The following MARK3 variants were observed in gnomAD, a reference collection of about 807,000 sequenced individuals.
MARK3 encodes microtubule affinity regulating kinase 3.
Under a neutral mutation model 90.1 loss-of-function variants are expected in MARK3, and 46 were observed. That is an observed-to-expected ratio of 0.51 (90% CI 0.40 to 0.65). The LOEUF is 0.65. Ranked by LOEUF, MARK3 falls within the 30% of genes least tolerant of loss-of-function variation. MARK3 has a pLI of 0.00. For synonymous variants in MARK3, 321 were observed against 332.6 expected (o/e 0.97, Z 0.38); for missense variants, 818 against 947.2 (o/e 0.86, Z 1.79).
chr14:103,473,041 C>T (rs181840364), intron 12 of MARK3, among the ~76,000 whole-genome samples: 1 of 151,498 alleles, frequency 6.6e-6, no homozygotes, highest in African/African-American at 2.4e-5. Flanking sequence ...ATGATGTGCA[C>T]AACTCAGATG....
At chr14:103,487,978 G>A (rs934684082) in intron 14 of MARK3, among the ~76,000 whole-genome samples, 21 of 151,968 alleles carry the variant, frequency 1.4e-4, no homozygotes, top group African/African-American at 5.1e-4. Flanking sequence ...AACCCAGGAG[G>A]CAGAGCTTGC....
At chr14:103,421,384 C>T (rs890700579) in intron 2 of MARK3, among the ~76,000 whole-genome samples, 3 of 152,146 alleles carry the variant, frequency 2.0e-5, no homozygotes, top group African/African-American at 4.8e-5. Flanking sequence ...GACTGTAGCT[C>T]CTTTTTTGAA....
intron 2 of MARK3, among the ~76,000 whole-genome samples, chr14:103,414,084 A>G (rs1311886636): frequency 1.3e-5 from 2 of 152,196 alleles, no homozygotes; most frequent in African/African-American, 4.8e-5. Flanking sequence ...AATTAAGTGA[A>G]TTGTTAACTA....
Position 103,451,853 on chromosome 14 carries a change from A to G in MARK3, c.347-65A>G, listed in dbSNP as rs116964053. 1,410 of 1,109,960 alleles carry G rather than the reference A, an allele frequency of 1.3e-3. 22 individuals carry two copies. In the East Asian group the frequency reaches 0.024, roughly 19 times the overall value. The allele number at this position is 1,109,960 out of a possible 1,614,324, so 68.8% of individuals were successfully genotyped here. A position where few individuals can be genotyped will look rare whatever the true frequency, so the allele number is the denominator to read the frequency against. The stretch of plus-strand genomic sequence containing the variant: ...GTTGCTTTTCATAGTTAGAGTTTAT[A>G]TGTGCATGGTTTGTGCATACAGACA... On this transcript the variant is annotated intron_variant, in intron 4 of 17. Transcript: ENST00000429436.
intron 9 of MARK3, 38 bp from the exon 10 acceptor site, chr14:103,466,305 T>C: frequency 6.9e-7 from 1 of 1,456,128 alleles, no homozygotes; most frequent in Non-Finnish European, 9.5e-7. Context: ...TCAGAATATT[T>C]CATTTTACTC....
At chr14:103,432,751 G>A (rs2092618512) in intron 3 of MARK3, among the ~76,000 whole-genome samples, 1 of 152,200 alleles carries the variant, frequency 6.6e-6, no homozygotes, top group Non-Finnish European at 1.5e-5. Flanking sequence ...AGCTACTTAG[G>A]AGGCTAAGAT....
intron 7 of MARK3, among the ~76,000 whole-genome samples, chr14:103,464,240 GT>G: frequency 6.6e-6 from 1 of 150,682 alleles, no homozygotes. Context: ...AGCATCTGCT[GT>G]GGAGTAGCCA....
chr14:103,497,444 A>AT (rs2075410866), intron 15 of MARK3, among the ~76,000 whole-genome samples: 1 of 152,250 alleles, frequency 6.6e-6, no homozygotes, highest in Admixed American at 6.5e-5. Context: ...GATCGCATTG[A>AT]TCATAAAAAC....
At chr14:103,491,631 T>G (rs1319351405) in intron 14 of MARK3, 146 bp from the exon 15 acceptor site, 1 of 756,512 alleles carries the variant, frequency 1.3e-6, no homozygotes, top group Non-Finnish European at 2.1e-6. Context: ...CCCACTTAAC[T>G]TACCTTTTGC....
intron 5 of MARK3, among the ~76,000 whole-genome samples, chr14:103,453,717 A>G (rs1233506031): frequency 6.6e-6 from 1 of 152,220 alleles, no homozygotes; most frequent in African/African-American, 2.4e-5. Flanking sequence ...TGGGCAAACA[A>G]CACAGAGTAA....
At chr14:103,490,876 T>C (rs1464819188) in intron 14 of MARK3, 1 of 962,640 alleles carries the variant, frequency 1.0e-6, no homozygotes, top group East Asian at 7.4e-5. Flanking sequence ...GTGTGTGCAT[T>C]ACACACAGGT....
At chr14:103,448,857 G>T (rs2093058474) in intron 3 of MARK3, 62 bp from the exon 4 acceptor site, 12 of 1,437,364 alleles carry the variant, frequency 8.3e-6, no homozygotes, top group Admixed American at 7.2e-5. Flanking sequence ...TACAACAGTG[G>T]AATATAATGT....
intron 3 of MARK3, among the ~76,000 whole-genome samples, chr14:103,440,005 G>A (rs563226364): frequency 2.0e-4 from 30 of 152,044 alleles, no homozygotes; most frequent in Non-Finnish European, 4.0e-4. Flanking sequence ...GGCTGGTCTC[G>A]AACTCCTGAC....
At chr14:103,434,554 A>G (rs2092669659) in intron 3 of MARK3, among the ~76,000 whole-genome samples, 1 of 152,162 alleles carries the variant, frequency 6.6e-6, no homozygotes, top group Admixed American at 6.5e-5. Context: ...GCAGTCCACA[A>G]CTTCTCGTCC....
chr14:103,397,396 G>A (rs1353385305), intron 1 of MARK3, among the ~76,000 whole-genome samples: 3 of 148,136 alleles, frequency 2.0e-5, no homozygotes, highest in African/African-American at 5.0e-5. Context: ...GTGCGATCTC[G>A]GCTCACCGCA....
At chr14:103,501,487 C>T (rs1180907843) in intron 17 of MARK3, among the ~76,000 whole-genome samples, 3 of 152,226 alleles carry the variant, frequency 2.0e-5, no homozygotes, top group Admixed American at 2.0e-4. Context: ...TATTATGCCA[C>T]AGACACATCC....
chr14:103,475,679 G>A (rs1363967251), intron 13 of MARK3, among the ~76,000 whole-genome samples: 2 of 152,168 alleles, frequency 1.3e-5, no homozygotes, highest in East Asian at 3.8e-4. Flanking sequence ...GGGTGCGGTG[G>A]CTCACGCCTG....
At chr14:103,415,770 T>A (rs925703672) in intron 2 of MARK3, among the ~76,000 whole-genome samples, 15 of 152,220 alleles carry the variant, frequency 9.9e-5, no homozygotes, top group African/African-American at 3.6e-4. Flanking sequence ...TGCATGCACA[T>A]AGCTTAACAA....
At chr14:103,438,303 G>A (rs949281189) in intron 3 of MARK3, among the ~76,000 whole-genome samples, 12 of 152,206 alleles carry the variant, frequency 7.9e-5, no homozygotes, top group Middle Eastern at 6.8e-3. Context: ...ACGCCAGGCC[G>A]AAGTAGCTGT....
Sources: gnomAD v4.1 joint callset for allele counts (sites outside exome capture counted in the v4.1 genomes callset) on GRCh38, gnomAD v4.1.1 for gene constraint, MANE v1.5 for transcripts, NCBI Gene and HGNC (gene_info 2026-07-23, HGNC 2026-07-21) for gene names.